ADGRL3: variants seen among roughly 807,000 people sequenced by gnomAD.
ADGRL3 encodes the protein calcium-independent alpha-latrotoxin receptor 3.
In ADGRL3, 62 loss-of-function variants were observed where a neutral mutation model predicts 153.5. The ratio of observed to expected loss-of-function variants is 0.40; its 90% CI spans 0.33 to 0.50. The LOEUF is 0.50. ADGRL3 is among the 20% of genes least tolerant of loss of function. The pLI is 0.47. For synonymous variants in ADGRL3, 710 were observed against 672.5 expected, an observed-to-expected ratio of 1.06 and a Z score of -0.86; for missense variants, 1,641 against 1,859.4, an observed-to-expected ratio of 0.88 and a Z score of 2.16.
chr4:61,997,861 TG>T (rs992754252), intron 20 of ADGRL3, among the ~76,000 whole-genome samples: 2 of 152,166 alleles, frequency 1.3e-5, no homozygotes, highest in African/African-American at 4.8e-5. Context: ...AAAAAAGTAT[TG>T]TTTTTGTTTT....
chr4:61,910,768 C>A (rs892148616), intron 12 of ADGRL3, among the ~76,000 whole-genome samples: 10 of 151,608 alleles, frequency 6.6e-5, no homozygotes, highest in Non-Finnish European at 1.5e-4. Context: ...GCAAAGTAGT[C>A]TTTTAATATG....
chr4:61,341,214 T>C (rs1296973109), intron 1 of ADGRL3, among the ~76,000 whole-genome samples: 1 of 151,986 alleles, frequency 6.6e-6, no homozygotes, highest in Non-Finnish European at 1.5e-5. Flanking sequence ...TATAAACTAT[T>C]GAAATCAATA....
At chr4:61,577,882 A>G (rs2098899087) in intron 4 of ADGRL3, among the ~76,000 whole-genome samples, 1 of 151,986 alleles carries the variant, frequency 6.6e-6, no homozygotes, top group African/African-American at 2.4e-5. Context: ...AAGTGGAAGT[A>G]ATGATTTTCT....
At position 61,851,671 on chromosome 4, in the gene ADGRL3, G is replaced by A. The variant is rs868793183; in HGVS notation, c.1480+37782G>A. ...TCATTTTCAGGGGACAATTACTGAC[G>A]AACAACTTTAGAAGATCATTTGTTA... On this transcript the variant is annotated intron_variant, in intron 9 of 26. Coordinates refer to ENST00000683033, the MANE Select transcript of ADGRL3 (RefSeq NM_001387552.1). Among the ~76,000 whole-genome samples, 12 of 150,646 alleles carry A rather than the reference G, an allele frequency of 8.0e-5. 1 individual carries two copies. The highest frequency in any genetic ancestry group is 1.6e-4 in the Non-Finnish European group (11 of 67,872).
chr4:61,472,826 C>T (rs1037809011), intron 2 of ADGRL3, among the ~76,000 whole-genome samples: 10 of 152,044 alleles, frequency 6.6e-5, no homozygotes, highest in Non-Finnish European at 1.3e-4. Flanking sequence ...CCTGAGAGAA[C>T]TGATTTATTT....
At chr4:61,345,406 ACAT>A (rs2095879915) in intron 1 of ADGRL3, among the ~76,000 whole-genome samples, 1 of 152,160 alleles carries the variant, frequency 6.6e-6, no homozygotes, top group Non-Finnish European at 1.5e-5. Context: ...TTAAATAATT[ACAT>A]ATTTTGTTAT....
At chr4:61,630,575 T>C (rs1443460059) in intron 5 of ADGRL3, among the ~76,000 whole-genome samples, 4 of 152,204 alleles carry the variant, frequency 2.6e-5, no homozygotes, top group African/African-American at 9.6e-5. Flanking sequence ...TTCACTCTTA[T>C]TTTTGTCATT....
At chr4:61,844,886 T>C (rs373299204) in intron 9 of ADGRL3, among the ~76,000 whole-genome samples, 15 of 152,144 alleles carry the variant, frequency 9.9e-5, no homozygotes, top group Admixed American at 7.9e-4. Context: ...CACTGAACTA[T>C]ACACTGCACA....
At position 61,384,559 on chromosome 4, in the gene ADGRL3, T is replaced by A. The variant is rs145458215; in HGVS notation, c.-174+1370T>A. On this transcript the variant is annotated intron_variant, in intron 2 of 26. Coordinates refer to ENST00000683033, the MANE Select transcript of ADGRL3 (RefSeq NM_001387552.1). ...AAATTCCTCAAATCCACTGGTAATATTTATATTCATTTCTATAATTACTAC... is the reference window on the plus strand; with the variant it reads ...AAATTCCTCAAATCCACTGGTAATAATTATATTCATTTCTATAATTACTAC... Among the ~76,000 whole-genome samples the A allele has an allele frequency of 4.7e-3, 710 of 152,032 alleles. 7 individuals are homozygous for A. The highest frequency in any genetic ancestry group is 0.016 in the African/African-American group (679 of 41,514).
In ADGRL3 at chr4:61,200,662, G is replaced by T. The variant is rs1456902250; in HGVS notation, c.-1343G>T. On this transcript the variant is annotated 5_prime_UTR_variant, in exon 1 of 27. Transcript: ENST00000683033. ...GTCCTCTTCCTACGGGTGTGCGCGC[G>T]CGCGGGTTGCACGGTTTGCTTTGGC... 6.6e-6 allele frequency among the ~76,000 whole-genome samples: 1 copy of T among 151,958 alleles called. No individual in the cohort carries two copies. The highest frequency in any genetic ancestry group is 1.5e-5 in the Non-Finnish European group (1 of 67,966).
chr4:61,308,756 T>G (rs2094894489), intron 1 of ADGRL3, among the ~76,000 whole-genome samples: 2 of 152,188 alleles, frequency 1.3e-5, no homozygotes, highest in South Asian at 4.1e-4. Context: ...ATGATAGTCC[T>G]GGAGATATAC....
intron 1 of ADGRL3, among the ~76,000 whole-genome samples, chr4:61,373,198 G>T (rs1008705252): frequency 6.6e-6 from 1 of 152,168 alleles, no homozygotes; most frequent in African/African-American, 2.4e-5. Context: ...TCGTCGCTCA[G>T]GCTGGGAGCT....
chr4:61,566,602 CAA>C (rs748420930), intron 4 of ADGRL3, among the ~76,000 whole-genome samples: 29 of 151,926 alleles, frequency 1.9e-4, no homozygotes, highest in Non-Finnish European at 2.5e-4. Flanking sequence ...AGGAGACTAA[CAA>C]AATTAATTTT....
intron 11 of ADGRL3, among the ~76,000 whole-genome samples, chr4:61,904,916 C>A (rs948999867): frequency 1.3e-5 from 2 of 152,066 alleles, no homozygotes; most frequent in Non-Finnish European, 2.9e-5. Flanking sequence ...CTCAGAGGTC[C>A]ATCAAACTCT....
In ADGRL3 at chr4:61,996,020, A is replaced by T. The variant is rs188292845; in HGVS notation, c.3237-271A>T. On this transcript the variant is annotated intron_variant, in intron 19 of 26. Transcript: ENST00000683033. ...TTTCTTTCTTTATCTTTTTTTTTTT[A>T]AAAGTTTCTATGACAGACACAAAAG... Among the ~76,000 whole-genome samples the T allele has an allele frequency of 4.1e-3, 616 of 150,842 alleles. 5 individuals are homozygous for T. The highest frequency in any genetic ancestry group is 4.0e-3 in the African/African-American group (164 of 41,150).
At chr4:61,380,136 T>C (rs2096649870) in intron 1 of ADGRL3, among the ~76,000 whole-genome samples, 1 of 152,008 alleles carries the variant, frequency 6.6e-6, no homozygotes, top group Non-Finnish European at 1.5e-5. Flanking sequence ...TAATATATTT[T>C]ATAAATATGT....
chr4:61,659,687 C>T (rs1473951176), intron 5 of ADGRL3, among the ~76,000 whole-genome samples: 1 of 152,030 alleles, frequency 6.6e-6, no homozygotes, highest in Non-Finnish European at 1.5e-5. Context: ...ATTGTTCATA[C>T]AGCCTTGGGG....
In ADGRL3 at chr4:61,323,371, C is replaced by G. The variant is rs564419352; in HGVS notation, c.-239-59753C>G. Among the ~76,000 whole-genome samples, 15 of 150,674 alleles carry G rather than the reference C, an allele frequency of 1.0e-4. 1 individual carries two copies. Among genetic ancestry groups the G allele is most frequent in the African/African-American group, 3.4e-4 (14 of 41,368 alleles). ...CGTTAACTTATGCAAATTTCTGCAG[C>G]TGGTTTGAATTTCTCCTCAAAATAT... On this transcript the variant is annotated intron_variant, in intron 1 of 26. Transcript: ENST00000683033.
At chr4:61,510,077 G>A (rs1317518304) in intron 3 of ADGRL3, among the ~76,000 whole-genome samples, 16 of 152,146 alleles carry the variant, frequency 1.1e-4, no homozygotes. Context: ...TTTGCGAAGT[G>A]TTTGTTCATG....
Sources: gnomAD v4.1 joint callset for allele counts (sites outside exome capture counted in the v4.1 genomes callset) on GRCh38, gnomAD v4.1.1 for gene constraint, MANE v1.5 for transcripts, NCBI Gene and HGNC (gene_info 2026-07-23, HGNC 2026-07-21) for gene names.